Variants in TCF4 observed in about 807,000 individuals in gnomAD.
TCF4 encodes the protein transcription factor 4.
TCF4 carries 3 observed loss-of-function variants against 82.1 expected under a neutral mutation model. The observed-to-expected ratio is 0.04, with a 90% CI of 0.02 to 0.09. The LOEUF is 0.09. TCF4 is among the 10% of genes least tolerant of loss of function. TCF4 has a pLI of 1.00. For missense variants in TCF4, 518 were observed against 852.7 expected (o/e 0.61, Z 4.89); for synonymous variants, 276 against 309.6 (o/e 0.89, Z 1.14).
At chr18:55,366,710 C>G (rs2145421878) in intron 6 of TCF4, among the ~76,000 whole-genome samples, 1 of 152,312 alleles carries the variant, frequency 6.6e-6, no homozygotes, top group East Asian at 1.9e-4. Flanking sequence ...TGTATTTGAG[C>G]ACAGCCAGTT....
At chr18:55,429,764 CAAAAAAAA>C (rs35255242) in intron 5 of TCF4, among the ~76,000 whole-genome samples, 2 of 57,170 alleles carry the variant, frequency 3.5e-5, no homozygotes, top group Non-Finnish European at 5.6e-5. Context: ...GACTCCATCT[CAAAAAAAA>C]AAAAAAAAAA....
At chr18:55,354,922 T>C (rs1428119000) in intron 6 of TCF4, among the ~76,000 whole-genome samples, 1 of 152,162 alleles carries the variant, frequency 6.6e-6, no homozygotes. Context: ...TCCCATTACG[T>C]TGTGATCCGG....
intron 3 of TCF4, among the ~76,000 whole-genome samples, chr18:55,517,701 A>C (rs576694618): frequency 2.0e-5 from 3 of 152,326 alleles, no homozygotes; most frequent in African/African-American, 7.2e-5. Flanking sequence ...GGGAAGGCTG[A>C]GGAAGAAAGT....
intron 2 of TCF4, among the ~76,000 whole-genome samples, chr18:55,607,177 A>T (rs1357768393): frequency 1.3e-5 from 2 of 152,190 alleles, no homozygotes; most frequent in African/African-American, 4.8e-5. Context: ...GCTTTTCTAA[A>T]AAAATAAATT....
At chr18:55,434,444 G>A (rs2095278355) in intron 5 of TCF4, among the ~76,000 whole-genome samples, 1 of 133,914 alleles carries the variant, frequency 7.5e-6, no homozygotes, top group South Asian at 2.4e-4. Context: ...TTTTGAGATG[G>A]AGTCTCGCTG....
intron 3 of TCF4, among the ~76,000 whole-genome samples, chr18:55,572,870 AC>A (rs1339716452): frequency 1.3e-5 from 2 of 152,130 alleles, no homozygotes; most frequent in African/African-American, 4.8e-5. Context: ...TCTGACCAAC[AC>A]GGAGAAACCC....
intron 2 of TCF4, among the ~76,000 whole-genome samples, chr18:55,610,698 G>A (rs1478458893): frequency 6.6e-6 from 1 of 152,216 alleles, no homozygotes; most frequent in East Asian, 1.9e-4. Flanking sequence ...ATTACACCCA[G>A]GGAAGTGGTT....
chr18:55,394,699 T>A (rs1026864860), intron 6 of TCF4, among the ~76,000 whole-genome samples: 3 of 152,186 alleles, frequency 2.0e-5, no homozygotes, highest in African/African-American at 7.2e-5. Context: ...TGCAAAGAAA[T>A]ATTCTTGTCG....
At chr18:55,535,065 T>C (rs2097103053) in intron 3 of TCF4, among the ~76,000 whole-genome samples, 1 of 152,226 alleles carries the variant, frequency 6.6e-6, no homozygotes, top group Non-Finnish European at 1.5e-5. Context: ...CAATTCCTTA[T>C]AAAGGCACTT....
chr18:55,617,364 G>A (rs2097713123), intron 2 of TCF4, among the ~76,000 whole-genome samples: 1 of 152,108 alleles, frequency 6.6e-6, no homozygotes, highest in Non-Finnish European at 1.5e-5. Context: ...AAATCAGAAA[G>A]TGTGATGCCT....
At chr18:55,539,412 C>A (rs887584826) in intron 3 of TCF4, among the ~76,000 whole-genome samples, 1 of 152,136 alleles carries the variant, frequency 6.6e-6, no homozygotes, top group Non-Finnish European at 1.5e-5. Context: ...TAAATTTATA[C>A]TATTTGCTTA....
At chr18:55,347,951 T>A (rs940959688) in intron 8 of TCF4, among the ~76,000 whole-genome samples, 4 of 152,156 alleles carry the variant, frequency 2.6e-5, no homozygotes, top group Admixed American at 6.5e-5. Context: ...TACTCATACA[T>A]ACTGAAACAA....
chr18:55,439,648 T>G (rs2095400949), intron 5 of TCF4, among the ~76,000 whole-genome samples: 1 of 152,220 alleles, frequency 6.6e-6, no homozygotes, highest in Admixed American at 6.5e-5. Flanking sequence ...CATTCAACGC[T>G]GGGCATAATG....
At chr18:55,575,546 C>T (rs1167032728) in intron 3 of TCF4, among the ~76,000 whole-genome samples, 8 of 152,104 alleles carry the variant, frequency 5.3e-5, no homozygotes, top group Non-Finnish European at 1.2e-4. Context: ...AAATCTTTTA[C>T]ATGAGTCTAG....
chr18:55,617,150 T>C (rs2097712955), intron 2 of TCF4, among the ~76,000 whole-genome samples: 1 of 152,136 alleles, frequency 6.6e-6, no homozygotes, highest in Non-Finnish European at 1.5e-5. Flanking sequence ...TGTCATTCTT[T>C]TGTGTGGGTA....
chr18:55,400,314 G>T (rs2093743700), intron 6 of TCF4, among the ~76,000 whole-genome samples: 2 of 152,206 alleles, frequency 1.3e-5, no homozygotes, highest in East Asian at 3.9e-4. Flanking sequence ...CAGTTAAAAG[G>T]AGTATGAGGT....
At chr18:55,327,627 T>G (rs922505096) in intron 8 of TCF4, among the ~76,000 whole-genome samples, 13 of 152,198 alleles carry the variant, frequency 8.5e-5, no homozygotes, top group Admixed American at 7.9e-4. Context: ...ACTGGTCAGA[T>G]AGCTTGTATT....
rs1160387639 is a variant in TCF4, at chr18:55,586,132, GAGA to G, written c.73-783_73-781del. ...AGGTCTAGAAGAGGAGGAGGAGGAG[GAGA>G]AGGAGGAGGAGGAGGAGGAGCAGCA... On this transcript the variant is annotated intron_variant, in intron 2 of 19. Transcript: ENST00000354452. The G allele has an allele frequency of 2.2e-5, 30 of 1,362,020 alleles. 1 individual carries two copies. The highest frequency in any genetic ancestry group is 1.1e-4 in the South Asian group (9 of 78,436). The allele number at this position is 1,362,020 out of a possible 1,614,324, so 84.4% of individuals were successfully genotyped here. A position where few individuals can be genotyped will look rare whatever the true frequency, so the allele number is the denominator to read the frequency against.
intron 3 of TCF4, among the ~76,000 whole-genome samples, chr18:55,558,735 TG>T (rs933624302): frequency 6.6e-6 from 1 of 152,146 alleles, no homozygotes; most frequent in Non-Finnish European, 1.5e-5. Flanking sequence ...TTTTTAGGTA[TG>T]GTTTCCATGG....
Sources: allele counts gnomAD v4.1 joint callset (sites outside exome capture counted in the v4.1 genomes callset), GRCh38; gene constraint gnomAD v4.1.1; transcripts MANE v1.5; gene names NCBI Gene and HGNC (gene_info 2026-07-23, HGNC 2026-07-21).